CNTNAP5: variants seen among roughly 807,000 people sequenced by gnomAD.
CNTNAP5 encodes contactin associated protein family member 5.
In CNTNAP5, 72 loss-of-function variants were observed where a neutral mutation model predicts 150.2. The ratio of observed to expected loss-of-function variants is 0.48; its 90% CI spans 0.40 to 0.58. The LOEUF is 0.58. Ranked by LOEUF, CNTNAP5 falls within the 20% of genes least tolerant of loss-of-function variation. The pLI, the probability that CNTNAP5 is intolerant of heterozygous loss-of-function variation, is 0.00. For missense variants in CNTNAP5, 1,636 were observed against 1,626.2 expected, an observed-to-expected ratio of 1.01 and a Z score of -0.10; for synonymous variants, 672 against 619.8, an observed-to-expected ratio of 1.08 and a Z score of -1.25.
At chr2:124,297,232 A>C (rs1390871220) in intron 3 of CNTNAP5, among the ~76,000 whole-genome samples, 1 of 152,192 alleles carries the variant, frequency 6.6e-6, no homozygotes, top group Non-Finnish European at 1.5e-5. Flanking sequence ...TGCCTCAAAA[A>C]CTAAGTGAAC....
At chr2:124,244,077 T>A (rs1457541501) in intron 3 of CNTNAP5, among the ~76,000 whole-genome samples, 2 of 152,258 alleles carry the variant, frequency 1.3e-5, no homozygotes, top group East Asian at 1.9e-4. Flanking sequence ...TGAGTTATTG[T>A]GCCTAATTTT....
At chr2:124,401,207 C>T (rs1460743791) in intron 3 of CNTNAP5, among the ~76,000 whole-genome samples, 1 of 152,130 alleles carries the variant, frequency 6.6e-6, no homozygotes, top group Non-Finnish European at 1.5e-5. Context: ...CACGCAAAAT[C>T]CAGAATTTCA....
intron 19 of CNTNAP5, among the ~76,000 whole-genome samples, chr2:124,857,236 G>C (rs181065759): frequency 1.7e-4 from 26 of 151,948 alleles, no homozygotes; most frequent in Non-Finnish European, 2.4e-4. Flanking sequence ...TTCACTGTCC[G>C]CATCATTTGA....
intron 1 of CNTNAP5, among the ~76,000 whole-genome samples, chr2:124,218,427 T>C (rs759165208): frequency 6.6e-6 from 1 of 152,142 alleles, no homozygotes; most frequent in Non-Finnish European, 1.5e-5. Context: ...GAGTGATTTC[T>C]TCCTTTTAGA....
chr2:124,686,104 C>G (rs1021594879), intron 13 of CNTNAP5, among the ~76,000 whole-genome samples: 2 of 152,026 alleles, frequency 1.3e-5, no homozygotes, highest in African/African-American at 4.8e-5. Flanking sequence ...GAACAGTCTC[C>G]TACTCTTAAA....
chr2:124,767,480 T>C (rs1246493469), intron 16 of CNTNAP5, among the ~76,000 whole-genome samples: 1 of 152,196 alleles, frequency 6.6e-6, no homozygotes, highest in Non-Finnish European at 1.5e-5. Context: ...TTAGAGTAGA[T>C]GAGATCAGAA....
intron 3 of CNTNAP5, among the ~76,000 whole-genome samples, chr2:124,359,225 A>G (rs1249389873): frequency 1.3e-5 from 2 of 151,352 alleles, no homozygotes; most frequent in South Asian, 4.2e-4. Flanking sequence ...CTAGCGGTCT[A>G]TCAATTTTGT....
chr2:124,720,651 C>T (rs1680030382), intron 13 of CNTNAP5, among the ~76,000 whole-genome samples: 1 of 152,188 alleles, frequency 6.6e-6, no homozygotes, highest in African/African-American at 2.4e-5. Context: ...CCAGGAATTT[C>T]ATTTCCTCTG....
At chr2:124,297,810 T>TTTTTTTATTATTA (rs769649857) in intron 3 of CNTNAP5, among the ~76,000 whole-genome samples, 1 of 126,390 alleles carries the variant, frequency 7.9e-6, no homozygotes, top group Non-Finnish European at 1.7e-5. Context: ...CATCCAATTA[T>TTTTTTTATTATTA]TTATTATTAT....
intron 21 of CNTNAP5, among the ~76,000 whole-genome samples, chr2:124,894,372 T>A (rs1678261224): frequency 6.6e-6 from 1 of 151,394 alleles, no homozygotes; most frequent in South Asian, 2.1e-4. Flanking sequence ...CTTGTCTTGC[T>A]CATTTCCTTT....
At chr2:124,894,762 G>A (rs1056463850) in intron 21 of CNTNAP5, among the ~76,000 whole-genome samples, 17 of 151,220 alleles carry the variant, frequency 1.1e-4, no homozygotes, top group African/African-American at 3.2e-4. Context: ...CATTTTGCCA[G>A]GGCTGGTTTT....
chr2:124,641,103 G>T (rs925284545), intron 12 of CNTNAP5, among the ~76,000 whole-genome samples: 1 of 135,732 alleles, frequency 7.4e-6, no homozygotes, highest in Non-Finnish European at 1.5e-5. Flanking sequence ...TCCAGACTGG[G>T]CAACAAGAGC....
At chr2:124,296,738 T>A (rs955861617) in intron 3 of CNTNAP5, among the ~76,000 whole-genome samples, 1 of 152,158 alleles carries the variant, frequency 6.6e-6, no homozygotes, top group Non-Finnish European at 1.5e-5. Flanking sequence ...ATTAAAAAAA[T>A]GAATATCATC....
chr2:124,683,499 G>A (rs553513237), intron 13 of CNTNAP5, among the ~76,000 whole-genome samples: 10 of 152,114 alleles, frequency 6.6e-5, no homozygotes, highest in South Asian at 2.1e-4. Flanking sequence ...AGCAGTGTAC[G>A]CTGTACCCAA....
intron 13 of CNTNAP5, among the ~76,000 whole-genome samples, chr2:124,681,778 G>A (rs914894099): frequency 6.6e-6 from 1 of 152,068 alleles, no homozygotes; most frequent in African/African-American, 2.4e-5. Context: ...TAGCCAGGAT[G>A]GTCTCGATCT....
At position 124,191,401 on chromosome 2, in the gene CNTNAP5, T is replaced by C. The variant is rs550210633; in HGVS notation, c.83-30304T>C. On this transcript the variant is annotated intron_variant, in intron 1 of 23. Transcript: ENST00000682447. ...TCTTTAAGAGGTTTTGCTTGTTTGG[T>C]ATTTTTGCCAAACAGACTTTCATAA... Among the ~76,000 whole-genome samples the C allele has an allele frequency of 2.5e-3, 382 of 152,322 alleles. 1 individual carries two copies. Among genetic ancestry groups the C allele is most frequent in the Middle Eastern group, 3.4e-3 (1 of 294 alleles).
chr2:124,272,662 G>A (rs1042600859), intron 3 of CNTNAP5, among the ~76,000 whole-genome samples: 3 of 152,164 alleles, frequency 2.0e-5, no homozygotes, highest in Non-Finnish European at 2.9e-5. Context: ...GCTATATGCT[G>A]ATCAGATTGC....
chr2:124,237,122 T>C lies in CNTNAP5; in HGVS notation c.188-5078T>C, dbSNP rs72962836. On this transcript the variant is annotated intron_variant, in intron 2 of 23. Coordinates refer to ENST00000682447, the MANE Select transcript of CNTNAP5 (RefSeq NM_001367498.1). ...CCAGCCTGGGTGACAGGAGCGAGAC[T>C]CTGTCAAAAGAAAAAAGAAAGAAAA... Among the ~76,000 whole-genome samples the C allele has an allele frequency of 8.3e-3, 1,270 of 152,098 alleles. 17 individuals carry two copies. Among genetic ancestry groups the C allele is most frequent in the African/African-American group, 0.029 (1,205 of 41,480 alleles).
Position 124,915,217 on chromosome 2 carries a change from C to CATAT in CNTNAP5, c.*939_*942dup, listed in dbSNP as rs112448547. 12 of 162,388 alleles carry CATAT rather than the reference C, an allele frequency of 7.4e-5. No homozygotes were observed. The highest frequency in any genetic ancestry group is 3.0e-4 in the African/African-American group (12 of 40,160). 10.1% of individuals were successfully genotyped at this position (162,388 alleles called of 1,614,324 possible). A position where few individuals can be genotyped will look rare whatever the true frequency, so the allele number is the denominator to read the frequency against. ...ATATACACACACACACACACACACA[C>CATAT]ATATATATATATACACACACGCACA... On this transcript the variant is annotated 3_prime_UTR_variant, in exon 24 of 24. Transcript: ENST00000682447.
Sources: allele counts gnomAD v4.1 joint callset (sites outside exome capture counted in the v4.1 genomes callset), GRCh38; gene constraint gnomAD v4.1.1; transcripts MANE v1.5; gene names NCBI Gene and HGNC (gene_info 2026-07-23, HGNC 2026-07-21).